The following B4GALNT3 variants were observed in gnomAD, a reference collection of about 807,000 sequenced individuals.
The protein encoded by B4GALNT3 is beta-1,4-N-acetyl-galactosaminyltransferase 3.
Under a neutral mutation model 120.2 loss-of-function variants are expected in B4GALNT3, and 86 were observed. The ratio of observed to expected loss-of-function variants is 0.72; its 90% CI spans 0.60 to 0.86. The LOEUF is 0.86. B4GALNT3 is among the 40% of genes least tolerant of loss of function. B4GALNT3 has a pLI of 0.00. For missense variants in B4GALNT3, 1,167 were observed against 1,298.9 expected (o/e 0.90, Z 1.56); for synonymous variants, 518 against 510.4 (o/e 1.01, Z -0.20).
At chr12:512,092 A>G (rs1250884278) in intron 1 of B4GALNT3, among the ~76,000 whole-genome samples, 2 of 88,960 alleles carry the variant, frequency 2.2e-5, no homozygotes, top group African/African-American at 4.9e-5. Context: ...TCGACCTTCC[A>G]CCTTCCACCT....
intron 13 of B4GALNT3, 97 bp from the exon 14 acceptor site, chr12:553,097 A>C (rs938863376): frequency 3.3e-6 from 5 of 1,517,318 alleles, no homozygotes; most frequent in Non-Finnish European, 4.5e-6. Flanking sequence ...CTGGAGCCCC[A>C]TGGTGCGTCA....
chr12:521,731 C>T (rs577154932), intron 1 of B4GALNT3, among the ~76,000 whole-genome samples: 159 of 152,206 alleles, frequency 1.0e-3, no homozygotes, highest in Non-Finnish European at 1.8e-3. Flanking sequence ...GTTGCCGCAG[C>T]GTCCGATTGC....
At position 559,387 on chromosome 12, in the gene B4GALNT3, C is replaced by T. The variant is rs368167265; in HGVS notation, c.2854C>T (p.Arg952Cys). Residue 952 changes from arginine (R) to cysteine (C), a missense_variant, in exon 19 of 20, where the codon CGC becomes TGC. Physicochemically the swap from Arg to Cys is radical, Grantham distance 180. Around this residue, in one of 3 missense-constraint regions of B4GALNT3, gnomAD observed 983 missense variants for 1,102.5 expected, o/e 0.89. Coordinates refer to ENST00000266383, the MANE Select transcript of B4GALNT3 (RefSeq NM_173593.4). ...CATGAACACCAAGGAGTTCCGAGACCGCTGGGGCGGGGAAGACTGGGAGCT... is the reference window on the plus strand; with the variant it reads ...CATGAACACCAAGGAGTTCCGAGACTGCTGGGGCGGGGAAGACTGGGAGCT... The part of the protein sequence containing the change: ...GGMNTKEFRD[R>C]WGGEDWELLD... 83 of 1,613,854 alleles carry T rather than the reference C, an allele frequency of 5.1e-5. No individual in the cohort carries two copies. The highest frequency in any genetic ancestry group is 3.3e-4 in the Admixed American group (20 of 59,986).
chr12:471,991 A>G (rs962887046), intron 1 of B4GALNT3, among the ~76,000 whole-genome samples: 2 of 152,244 alleles, frequency 1.3e-5, no homozygotes, highest in African/African-American at 4.8e-5. Flanking sequence ...TCCAAAAGGA[A>G]GTCCTCTGGC....
At position 533,696 on chromosome 12, in the gene B4GALNT3, A is replaced by T. The variant is rs1242775988; in HGVS notation, c.170-1470A>T. Among the ~76,000 whole-genome samples the T allele has an allele frequency of 8.5e-5, 13 of 152,320 alleles. No homozygotes were observed. In the East Asian group the frequency reaches 2.3e-3, roughly 27 times the overall value. The stretch of plus-strand genomic sequence containing the variant: ...CTTTCCCTATCTGTGAAATGGGGTC[A>T]TGGAGCTGGCCTCTCAGGAGGTTCT... On this transcript the variant is annotated intron_variant, in intron 1 of 19. Coordinates refer to ENST00000266383, the MANE Select transcript of B4GALNT3 (RefSeq NM_173593.4).
chr12:555,247 C>A (rs1233695041), intron 14 of B4GALNT3: 1 of 414,780 alleles, frequency 2.4e-6, no homozygotes, highest in East Asian at 7.5e-5. Context: ...CATTCCTCCT[C>A]CTACCCCCAG....
At chr12:495,379 TC>T (rs1946378718) in intron 1 of B4GALNT3, among the ~76,000 whole-genome samples, 1 of 152,106 alleles carries the variant, frequency 6.6e-6, no homozygotes, top group Non-Finnish European at 1.5e-5. Context: ...TTCCCCTTAG[TC>T]CCCCTAACTT....
chr12:506,504 A>C (rs1946497530), intron 1 of B4GALNT3, among the ~76,000 whole-genome samples: 1 of 152,228 alleles, frequency 6.6e-6, no homozygotes, highest in African/African-American at 2.4e-5. Context: ...TATAATATTA[A>C]AAGGTGCTTT....
At chr12:496,046 G>A (rs1203681688) in intron 1 of B4GALNT3, among the ~76,000 whole-genome samples, 1 of 152,100 alleles carries the variant, frequency 6.6e-6, no homozygotes, top group Non-Finnish European at 1.5e-5. Context: ...TAAAAGGTTG[G>A]AATTTGTTAG....
At chr12:496,726 G>A (rs1247063797) in intron 1 of B4GALNT3, among the ~76,000 whole-genome samples, 2 of 152,004 alleles carry the variant, frequency 1.3e-5, no homozygotes, top group Non-Finnish European at 2.9e-5. Flanking sequence ...GCCCATGCGC[G>A]TTAAGCAGTC....
At chr12:540,976 C>T (rs1378267205) in intron 3 of B4GALNT3, among the ~76,000 whole-genome samples, 2 of 152,214 alleles carry the variant, frequency 1.3e-5, no homozygotes, top group Non-Finnish European at 2.9e-5. Flanking sequence ...ATCTCCTGAC[C>T]TCGTGATCCG....
At chr12:545,297 A>T in intron 5 of B4GALNT3, 72 bp from the exon 6 acceptor site, 1 of 1,538,186 alleles carries the variant, frequency 6.5e-7, no homozygotes, top group Non-Finnish European at 8.8e-7. Context: ...TCGCTAAGAC[A>T]CTCACAAAAG....
At chr12:471,255 C>T (rs868030701) in intron 1 of B4GALNT3, among the ~76,000 whole-genome samples, 3 of 151,426 alleles carry the variant, frequency 2.0e-5, no homozygotes, top group Admixed American at 1.3e-4. Flanking sequence ...CGTGGTGGCA[C>T]ATGCCTGTAA....
intron 1 of B4GALNT3, among the ~76,000 whole-genome samples, chr12:488,712 T>TG (rs1224689190): frequency 6.6e-6 from 1 of 152,008 alleles, no homozygotes; most frequent in African/African-American, 2.4e-5. Flanking sequence ...TCCAGCTACT[T>TG]GGGAGGCAGA....
At chr12:538,796 A>G (rs1565606065) in intron 3 of B4GALNT3, among the ~76,000 whole-genome samples, 1 of 152,176 alleles carries the variant, frequency 6.6e-6, no homozygotes, top group Non-Finnish European at 1.5e-5. Context: ...CAGCTGCATT[A>G]TGGTGCCAGC....
intron 1 of B4GALNT3, among the ~76,000 whole-genome samples, chr12:525,438 ATG>A (rs1318521259): frequency 6.6e-6 from 1 of 152,024 alleles, no homozygotes; most frequent in Non-Finnish European, 1.5e-5. Context: ...AGTATTTCCC[ATG>A]TCTCTCCTCC....
In B4GALNT3 at chr12:561,399, AT is replaced by A; in HGVS notation, c.2948del (p.Phe983SerfsTer13). ...CTCTCCCTCAGGAATTTCTTCCATC[AT>A]TTCCATTCCAAGCGAGGCATGTGGA... The part of the protein sequence containing the change: ...ERLSLRNFFH[H>X]FHSKRGMWSR... On this transcript the variant is annotated frameshift_variant, in exon 20 of 20. Coordinates refer to ENST00000266383, the MANE Select transcript of B4GALNT3 (RefSeq NM_173593.4). LOFTEE classifies it high-confidence loss of function. The A allele has an allele frequency of 6.2e-7, 1 of 1,613,962 alleles. No individual in the cohort carries two copies. The highest frequency in any genetic ancestry group is 8.5e-7 in the Non-Finnish European group (1 of 1,180,010).
Position 553,663 on chromosome 12 carries a change from T to C in B4GALNT3, c.1740T>C (p.Pro580=). The C allele has an allele frequency of 6.2e-7, 1 of 1,613,924 alleles. No homozygotes were observed. The highest frequency in any genetic ancestry group is 2.2e-5 in the East Asian group (1 of 44,878). ...AEQRRGDRMR[P]QAPGRGWHGE... is the part of the protein sequence containing the mutation. ...AGAGACGGGGTGACAGGATGCGGCCTCAGGCCCCTGGAAGGGGCTGGCATG... is the reference window on the plus strand; with the variant it reads ...AGAGACGGGGTGACAGGATGCGGCCCCAGGCCCCTGGAAGGGGCTGGCATG... Residue 580 remains proline (P), a synonymous_variant, in exon 14 of 20, where the codon CCT becomes CCC. Coordinates refer to ENST00000266383, the MANE Select transcript of B4GALNT3 (RefSeq NM_173593.4).
intron 1 of B4GALNT3, among the ~76,000 whole-genome samples, chr12:471,166 A>G (rs1395472091): frequency 6.6e-6 from 1 of 150,660 alleles, no homozygotes; most frequent in Non-Finnish European, 1.5e-5. Context: ...AGGCAGGCAG[A>G]GTTCGAGGTC....
Sources: gnomAD v4.1 joint callset for allele counts (sites outside exome capture counted in the v4.1 genomes callset) on GRCh38, gnomAD v4.1.1 for gene constraint, gnomAD v4.1.1 regional missense constraint, MANE v1.5 for transcripts, NCBI Gene and HGNC (gene_info 2026-07-23, HGNC 2026-07-21) for gene names.